The following RUNX1 variants were observed in gnomAD, a reference collection of about 807,000 sequenced individuals.
RUNX1 encodes the protein runt-related transcription factor 1.
In RUNX1, 19 loss-of-function variants were observed where a neutral mutation model predicts 42.8. The observed-to-expected ratio is 0.44, with a 90% CI of 0.31 to 0.65. The LOEUF (loss-of-function observed/expected upper bound fraction) is 0.65. Ranked by LOEUF, RUNX1 falls within the 30% of genes least tolerant of loss-of-function variation. The pLI is 0.07. For missense variants in RUNX1, 528 were observed against 672.0 expected (o/e 0.79, Z 2.37); for synonymous variants, 271 against 289.4 (o/e 0.94, Z 0.64).
intron 7 of RUNX1, among the ~76,000 whole-genome samples, chr21:34,803,404 G>T (rs548653798): frequency 1.3e-5 from 2 of 151,876 alleles, no homozygotes; most frequent in Admixed American, 1.3e-4. Flanking sequence ...AAAATTAGCC[G>T]GGCATGGTGG....
At chr21:34,890,655 G>T (rs2058070642) in intron 3 of RUNX1, among the ~76,000 whole-genome samples, 1 of 152,204 alleles carries the variant, frequency 6.6e-6, no homozygotes, top group Non-Finnish European at 1.5e-5. Flanking sequence ...TGGACCTGGG[G>T]TCTCGGAAAG....
At position 34,792,010 on chromosome 21, in the gene RUNX1, CGGCCCCAGGACGGTGGCCGGGCCCAG is replaced by C. The variant is rs1380058127; in HGVS notation, c.*99_*124del. 5 of 574,274 alleles carry C rather than the reference CGGCCCCAGGACGGTGGCCGGGCCCAG, an allele frequency of 8.7e-6. No individual in the cohort carries two copies. Among genetic ancestry groups the C allele is most frequent in the African/African-American group, 6.1e-5 (3 of 48,932 alleles). 35.6% of individuals were successfully genotyped at this position (574,274 alleles called of 1,614,324 possible). A position where few individuals can be genotyped will look rare whatever the true frequency, so the allele number is the denominator to read the frequency against. ...CGAGATCCTGGCCGTCGGGCGCCCT[CGGCCCCAGGACGGTGGCCGGGCCCAG>C]GGCCCGGGATCCCGGCGGGCTTGTC... On this transcript the variant is annotated 3_prime_UTR_variant, in exon 9 of 9. Transcript: ENST00000675419. The surrounding 1 kb of genome is among the most constrained non-coding windows in gnomAD (Gnocchi z 6.9).
At chr21:34,883,625 G>A (rs2057938268) in intron 4 of RUNX1, among the ~76,000 whole-genome samples, 1 of 152,190 alleles carries the variant, frequency 6.6e-6, no homozygotes, top group Non-Finnish European at 1.5e-5. Context: ...AAACAGGCAA[G>A]AAGGGACTTG....
intron 4 of RUNX1, among the ~76,000 whole-genome samples, chr21:34,883,096 A>G (rs2057929914): frequency 6.6e-6 from 1 of 152,210 alleles, no homozygotes; most frequent in African/African-American, 2.4e-5. Flanking sequence ...TCTTTCCAAT[A>G]CTATCCTCAT....
chr21:34,916,295 A>T (rs2058311673), intron 2 of RUNX1, among the ~76,000 whole-genome samples: 1 of 152,148 alleles, frequency 6.6e-6, no homozygotes, highest in South Asian at 2.1e-4. Flanking sequence ...AATATACTCT[A>T]AAGAGTTCTG....
rs1306558267 is a variant in RUNX1 at position 34,790,607 on chromosome 21, T to C, written c.*1528A>G. ...GTGACATGAATCTTTCCTGTCACAC[T>C]GGTGCACAGGTAAAAGCCCATATAC... On this transcript the variant is annotated 3_prime_UTR_variant, in exon 9 of 9. Coordinates refer to ENST00000675419, the MANE Select transcript of RUNX1 (RefSeq NM_001754.5). 2 of 233,222 alleles carry C rather than the reference T, an allele frequency of 8.6e-6. No individual in the cohort carries two copies. The highest frequency in any genetic ancestry group is 1.7e-5 in the Non-Finnish European group (2 of 118,066). The allele number at this position is 233,222 out of a possible 1,614,324, so 14.4% of individuals were successfully genotyped here.
intron 2 of RUNX1, among the ~76,000 whole-genome samples, chr21:34,927,149 G>A (rs1219497360): frequency 2.6e-5 from 4 of 152,132 alleles, no homozygotes; most frequent in Admixed American, 2.6e-4. Flanking sequence ...AAGAGCAGGG[G>A]GAAAATTCAT....
chr21:35,007,591 G>A (rs1254278396), intron 2 of RUNX1, among the ~76,000 whole-genome samples: 2 of 152,130 alleles, frequency 1.3e-5, no homozygotes, highest in Non-Finnish European at 2.9e-5. Context: ...TCTCCTCCAG[G>A]ATAGCAGCCC....
chr21:34,887,631 G>A lies in RUNX1; in HGVS notation c.98-535C>T, dbSNP rs1258458335. 5 of 1,081,642 alleles carry A rather than the reference G, an allele frequency of 4.6e-6. No homozygotes were observed. In the African/African-American group the frequency reaches 6.6e-5, roughly 14 times the overall value. 67.0% of individuals were successfully genotyped at this position (1,081,642 alleles called of 1,614,324 possible). A position where few individuals can be genotyped will look rare whatever the true frequency, so the allele number is the denominator to read the frequency against. On this transcript the variant is annotated intron_variant, in intron 3 of 8. Coordinates refer to ENST00000675419, the MANE Select transcript of RUNX1 (RefSeq NM_001754.5). ...AAGGCCACTTTTATCATGCAAAACT[G>A]GCTTCAGTCCCGAAAAGCAAGAGCT...
intron 2 of RUNX1, among the ~76,000 whole-genome samples, chr21:34,917,628 G>T (rs528540625): frequency 6.6e-6 from 1 of 152,170 alleles, no homozygotes; most frequent in East Asian, 1.9e-4. Flanking sequence ...TCTCAAAGAA[G>T]ATAGACAGAT....
rs1033118041 is a variant in RUNX1, at chr21:34,789,449, T to C, written c.*2686A>G. On this transcript the variant is annotated 3_prime_UTR_variant, in exon 9 of 9. Transcript: ENST00000675419. ...ATGAGTAAGCAGTAGAAATGGCTTA[T>C]TCAATACTTCTCCTGGACCAGACAC... 5 of 233,606 alleles carry C rather than the reference T, an allele frequency of 2.1e-5. No homozygotes were observed. Among genetic ancestry groups the C allele is most frequent in the African/African-American group, 8.8e-5 (4 of 45,330 alleles). The allele number at this position is 233,606 out of a possible 1,614,324, so 14.5% of individuals were successfully genotyped here. A position where few individuals can be genotyped will look rare whatever the true frequency, so the allele number is the denominator to read the frequency against.
chr21:34,809,542 G>A lies in RUNX1; in HGVS notation c.806-10080C>T, dbSNP rs139691266. On this transcript the variant is annotated intron_variant, in intron 7 of 8. Coordinates refer to ENST00000675419, the MANE Select transcript of RUNX1 (RefSeq NM_001754.5). ...TTCTGAAGAACACTCCATTGAGGTG[G>A]CACCTGATATCAAGAGGATTGTGCA... Among the ~76,000 whole-genome samples, 16 of 152,160 alleles carry A rather than the reference G, an allele frequency of 1.1e-4. No homozygotes were observed. In the East Asian group the frequency reaches 3.1e-3, roughly 30 times the overall value.
chr21:34,992,664 A>C (rs554749684), intron 2 of RUNX1, among the ~76,000 whole-genome samples: 1 of 142,182 alleles, frequency 7.0e-6, no homozygotes, highest in South Asian at 2.2e-4. Flanking sequence ...AAGATTAAAC[A>C]TTACAAATAT....
chr21:35,014,806 C>G (rs1338452622), intron 2 of RUNX1, among the ~76,000 whole-genome samples: 1 of 152,240 alleles, frequency 6.6e-6, no homozygotes, highest in African/African-American at 2.4e-5. Context: ...TGCCATGGAG[C>G]CCTCAGCTCC....
chr21:35,022,185 C>T (rs978937420), intron 2 of RUNX1, among the ~76,000 whole-genome samples: 3 of 152,146 alleles, frequency 2.0e-5, no homozygotes, highest in African/African-American at 7.2e-5. Context: ...CCGTGGTTTA[C>T]CAGCAGCACC....
chr21:34,894,229 C>T (rs192393287), intron 2 of RUNX1, among the ~76,000 whole-genome samples: 439 of 152,252 alleles, frequency 2.9e-3, no homozygotes, highest in Non-Finnish European at 5.0e-3. Flanking sequence ...ACCACGCACC[C>T]TGGAAATTAT....
intron 4 of RUNX1, 65 bp from the exon 5 acceptor site, chr21:34,880,778 T>C: frequency 6.7e-7 from 1 of 1,493,440 alleles, no homozygotes; most frequent in Non-Finnish European, 9.3e-7. Flanking sequence ...TTAGGGCATT[T>C]GTGTAGTGAT....
rs2058341115 is a variant in RUNX1, at chr21:34,919,895, T to C, written c.59-26932A>G. Among the ~76,000 whole-genome samples the C allele has an allele frequency of 6.6e-6, 1 of 152,226 alleles. No individual in the cohort carries two copies. Among genetic ancestry groups the C allele is most frequent in the Admixed American group, 6.5e-5 (1 of 15,290 alleles). On this transcript the variant is annotated intron_variant, in intron 2 of 8. Coordinates refer to ENST00000675419, the MANE Select transcript of RUNX1 (RefSeq NM_001754.5). ...TTAGTGCTGTATTTTTGAAACATAC[T>C]GGAGTAGGTTTAAGCATTCCTTCCT... is the stretch of plus-strand genomic sequence containing the variant.
At position 34,843,453 on chromosome 21, in the gene RUNX1, A is replaced by G. The variant is rs1218158536; in HGVS notation, c.614-8852T>C. Among the ~76,000 whole-genome samples, 2 of 151,732 alleles carry G rather than the reference A, an allele frequency of 1.3e-5. No individual in the cohort carries two copies. Among genetic ancestry groups the G allele is most frequent in the East Asian group, 3.9e-4 (2 of 5,178 alleles). On this transcript the variant is annotated intron_variant, in intron 6 of 8. Transcript: ENST00000675419. This position sits in a 1 kb window ranked among gnomAD's most constrained non-coding sequence, Gnocchi z 4.8. ...TGGGGACACATATATACAAACATAC[A>G]CACATACTGACATACACACATATAC...
Sources: allele counts gnomAD v4.1 joint callset (sites outside exome capture counted in the v4.1 genomes callset), GRCh38; gene constraint gnomAD v4.1.1; non-coding constraint Gnocchi (gnomAD v3.1); transcripts MANE v1.5; gene names NCBI Gene and HGNC (gene_info 2026-07-23, HGNC 2026-07-21).